ABL2: variants seen among roughly 807,000 people sequenced by gnomAD.
ABL2 encodes tyrosine-protein kinase ABL2.
In ABL2, 49 loss-of-function variants were observed where a neutral mutation model predicts 107.7. That is an observed-to-expected ratio of 0.45 (90% CI 0.36 to 0.58). The LOEUF (loss-of-function observed/expected upper bound fraction) is 0.58, where lower values mean the gene tolerates loss of function less well. ABL2 is among the 20% of genes least tolerant of loss of function. ABL2 has a pLI of 0.00. For synonymous variants in ABL2, 549 were observed against 548.6 expected, an observed-to-expected ratio of 1.00 and a Z score of -0.01; for missense variants, 1,245 against 1,457.0, an observed-to-expected ratio of 0.85 and a Z score of 2.37.
At position 179,126,963 on chromosome 1, in the gene ABL2, T is replaced by G. The variant is rs1476439945; in HGVS notation, c.392-291A>C. ...TAAAAAATATCCTTAAGAAATTCTA[T>G]GTATGCCAGACAGGTTACTAAAATG... On this transcript the variant is annotated intron_variant, in intron 3 of 11. Transcript: ENST00000502732. This position sits in a 1 kb window ranked among gnomAD's most constrained non-coding sequence, Gnocchi z 4.4. Among the ~76,000 whole-genome samples, 1 of 152,172 alleles carries G rather than the reference T, an allele frequency of 6.6e-6. No individual in the cohort carries two copies. Among genetic ancestry groups the G allele is most frequent in the Non-Finnish European group, 1.5e-5 (1 of 68,034 alleles).
intron 1 of ABL2, among the ~76,000 whole-genome samples, chr1:179,151,892 T>C (rs1369884931): frequency 5.3e-5 from 8 of 152,220 alleles, no homozygotes; most frequent in Non-Finnish European, 1.2e-4. Context: ...TATACCTATC[T>C]AAACCATATA....
At chr1:179,133,738 A>G (rs1656579554) in intron 1 of ABL2, among the ~76,000 whole-genome samples, 1 of 152,250 alleles carries the variant, frequency 6.6e-6, no homozygotes, top group Non-Finnish European at 1.5e-5. Context: ...CAATCAGGAT[A>G]GTACCAAATC....
At chr1:179,217,367 T>C (rs1050289337) in intron 1 of ABL2, among the ~76,000 whole-genome samples, 1 of 149,678 alleles carries the variant, frequency 6.7e-6, no homozygotes, top group Non-Finnish European at 1.5e-5. Context: ...GGCTCACACC[T>C]GTAATCCCAG....
chr1:179,186,230 G>A (rs1571275047), intron 1 of ABL2, among the ~76,000 whole-genome samples: 1 of 151,962 alleles, frequency 6.6e-6, no homozygotes, highest in South Asian at 2.1e-4. Flanking sequence ...GGGTGACAGA[G>A]GGAGACGCTG....
rs1288662846 is a variant in ABL2, at chr1:179,101,275, G to A, written c.*6443C>T. The A allele has an allele frequency of 4.6e-6, 1 of 219,438 alleles. No homozygotes were observed. The highest frequency in any genetic ancestry group is 2.3e-5 in the African/African-American group (1 of 44,434). The allele number at this position is 219,438 out of a possible 1,614,324, so 13.6% of individuals were successfully genotyped here. ...TGACCTGCCACAGGCCTCCTTACCT[G>A]GGAAGAAGTATGGGATCTTCTTATC... On this transcript the variant is annotated 3_prime_UTR_variant, in exon 12 of 12. Transcript: ENST00000502732.
chr1:179,119,677 G>T (rs1654999267), intron 6 of ABL2, among the ~76,000 whole-genome samples: 1 of 152,042 alleles, frequency 6.6e-6, no homozygotes, highest in Non-Finnish European at 1.5e-5. Context: ...GCTTGTAAAG[G>T]TAAACTGAGG....
chr1:179,136,987 C>A (rs1657093800), intron 1 of ABL2, among the ~76,000 whole-genome samples: 1 of 150,780 alleles, frequency 6.6e-6, no homozygotes, highest in Non-Finnish European at 1.5e-5. Flanking sequence ...TAGGTTGGCT[C>A]TGTAATTCTC....
chr1:179,123,705 C>T (rs1655449689), intron 4 of ABL2, among the ~76,000 whole-genome samples: 1 of 152,174 alleles, frequency 6.6e-6, no homozygotes, highest in African/African-American at 2.4e-5. Context: ...TCATGACTCA[C>T]TGCAGCCTTG....
chr1:179,114,313 C>T (rs910590047), intron 9 of ABL2, among the ~76,000 whole-genome samples: 2 of 151,566 alleles, frequency 1.3e-5, no homozygotes, highest in African/African-American at 4.9e-5. Flanking sequence ...GGGGCTGAGG[C>T]ATGAGAATCA....
intron 1 of ABL2, 57 bp from the exon 2 acceptor site, chr1:179,133,431 C>T (rs898728193): frequency 6.2e-7 from 1 of 1,613,516 alleles, no homozygotes; most frequent in Admixed American, 1.7e-5. Flanking sequence ...AATAGTTTAA[C>T]ATCAAGCTAA....
At chr1:179,174,910 A>AT (rs1659952637) in intron 1 of ABL2, among the ~76,000 whole-genome samples, 1 of 91,372 alleles carries the variant, frequency 1.1e-5, no homozygotes, top group Non-Finnish European at 2.6e-5. Context: ...AAAAAAAAAT[A>AT]AAATAAAAAA....
At chr1:179,123,963 C>G (rs1011664212) in intron 4 of ABL2, among the ~76,000 whole-genome samples, 12 of 150,378 alleles carry the variant, frequency 8.0e-5, no homozygotes, top group Admixed American at 2.6e-4. Context: ...CGCTTTTGGT[C>G]GGGCGCAGTG....
chr1:179,131,027 G>A (rs1383426584), intron 3 of ABL2, among the ~76,000 whole-genome samples: 1 of 150,374 alleles, frequency 6.7e-6, no homozygotes, highest in African/African-American at 2.4e-5. Flanking sequence ...TGCAACCTCT[G>A]CCTCCCGAGT....
chr1:179,210,343 C>A (rs940868112), intron 1 of ABL2, among the ~76,000 whole-genome samples: 22 of 145,084 alleles, frequency 1.5e-4, no homozygotes, highest in East Asian at 2.1e-4. Flanking sequence ...CCACCTCTAC[C>A]AAAAATACAA....
chr1:179,199,735 T>TA (rs1306647915), intron 1 of ABL2, among the ~76,000 whole-genome samples: 1 of 64,578 alleles, frequency 1.5e-5, no homozygotes, highest in Non-Finnish European at 3.7e-5. Flanking sequence ...TTTTTCCTTT[T>TA]TTTTTTTTTT....
At position 179,109,042 on chromosome 1, in the gene ABL2, C is replaced by T; in HGVS notation, c.2225G>A (p.Gly742Glu). Residue 742 changes from glycine (G) to glutamate (E), a missense_variant, in exon 12 of 12, where the codon GGG (glycine) becomes GAG (glutamate). Coordinates refer to ENST00000502732, the MANE Select transcript of ABL2 (RefSeq NM_007314.4). ...GCCTGTGATGCCAGACCACCCACCC[C>T]CAGCAGTGCCACTGCCCCCACCCCC... ...GGGGGGSGTA[G>E]GGWSGITGFF... 6.2e-7 allele frequency: 1 copy of T among 1,608,026 alleles called. No homozygotes were observed. The highest frequency in any genetic ancestry group is 8.5e-7 in the Non-Finnish European group (1 of 1,178,310).
At chr1:179,137,402 G>A (rs919682200) in intron 1 of ABL2, among the ~76,000 whole-genome samples, 1 of 151,840 alleles carries the variant, frequency 6.6e-6, no homozygotes, top group Non-Finnish European at 1.5e-5. Context: ...ACCCATTACT[G>A]AACACTACAT....
Position 179,107,417 on chromosome 1 carries a change from G to C in ABL2, c.*301C>G. The C allele has an allele frequency of 2.7e-6, 1 of 372,454 alleles. No individual in the cohort carries two copies. The highest frequency in any genetic ancestry group is 4.5e-5 in the South Asian group (1 of 22,406). 23.1% of individuals were successfully genotyped at this position (372,454 alleles called of 1,614,324 possible). ...CTGCCTAGCACTTCCCAGCATTCCAGGTAGGGATGGGCTGCATTGCCTTCC... is the reference window on the plus strand; with the variant it reads ...CTGCCTAGCACTTCCCAGCATTCCACGTAGGGATGGGCTGCATTGCCTTCC... On this transcript the variant is annotated 3_prime_UTR_variant, in exon 12 of 12. Transcript: ENST00000502732.
In ABL2 at chr1:179,229,632, ACGCCGCCGCCGCCGC is replaced by A. The variant is rs3046363; in HGVS notation, c.-250_-236del. 31 of 451,714 alleles carry A rather than the reference ACGCCGCCGCCGCCGC, an allele frequency of 6.9e-5. No homozygotes were observed. Among genetic ancestry groups the A allele is most frequent in the Middle Eastern group, 5.8e-4 (1 of 1,734 alleles). The allele number at this position is 451,714 out of a possible 1,614,324, so 28.0% of individuals were successfully genotyped here. On this transcript the variant is annotated 5_prime_UTR_variant, in exon 1 of 12. Transcript: ENST00000502732. Reference sequence around the variant, plus strand: ...CTCCTGTCGCGGCTCCGCGCCCCCAACGCCGCCGCCGCCGCCGCCGCCACCGCCGCCGCCATCTTT... The same window carrying A: ...CTCCTGTCGCGGCTCCGCGCCCCCAACGCCGCCACCGCCGCCGCCATCTTT...
Sources: gnomAD v4.1 joint callset for allele counts (sites outside exome capture counted in the v4.1 genomes callset) on GRCh38, gnomAD v4.1.1 for gene constraint, Gnocchi (gnomAD v3.1) non-coding constraint, MANE v1.5 for transcripts, NCBI Gene and HGNC (gene_info 2026-07-23, HGNC 2026-07-21) for gene names.